MORN2: variants seen among roughly 807,000 people sequenced by gnomAD.
The protein encoded by MORN2 is MORN repeat-containing protein 2.
In MORN2, 15 loss-of-function variants were observed where a neutral mutation model predicts 13.4. The ratio of observed to expected loss-of-function variants is 1.12; its 90% confidence interval spans 0.75 to 1.72. The LOEUF is 1.72. Ranked by LOEUF, MORN2 falls within the 40% of genes most tolerant of loss-of-function variation. MORN2 has a pLI of 0.00. For synonymous variants in MORN2, 46 were observed against 43.6 expected, an observed-to-expected ratio of 1.06 and a Z score of -0.22; for missense variants, 168 against 134.6, an observed-to-expected ratio of 1.25 and a Z score of -1.23.
chr2:38,880,198 C>G lies in MORN2; in HGVS notation c.78C>G (p.Ile26Met), dbSNP rs1665744060. The G allele has an allele frequency of 2.5e-6, 1 of 398,858 alleles. No individual in the cohort carries two copies. The highest frequency in any genetic ancestry group is 4.4e-5 in the Admixed American group (1 of 22,716). The allele number at this position is 398,858 out of a possible 1,614,324, so 24.7% of individuals were successfully genotyped here. ...AAACAGCTTCAGAAGTGTATAAGATCAGCTTTATCTTTCCAAATGGAGACA... is the reference window on the plus strand; with the variant it reads ...AAACAGCTTCAGAAGTGTATAAGATGAGCTTTATCTTTCCAAATGGAGACA... Residue 26 changes from isoleucine (I) to methionine (M), a missense_variant, in exon 2 of 5, where the codon ATC (isoleucine) becomes ATG (methionine). Physicochemically the swap from Ile to Met is conservative, Grantham distance 10. Coordinates refer to ENST00000644631, the MANE Select transcript of MORN2 (RefSeq NM_001145450.3).
intron 1 of MORN2, among the ~76,000 whole-genome samples, chr2:38,878,015 C>T (rs1247760598): frequency 6.6e-6 from 1 of 152,154 alleles, no homozygotes; most frequent in Non-Finnish European, 1.5e-5. Flanking sequence ...AGGCTGGTCT[C>T]GAACTCCTAG....
At chr2:38,877,105 A>C (rs563014676) in intron 1 of MORN2, among the ~76,000 whole-genome samples, 1 of 152,156 alleles carries the variant, frequency 6.6e-6, no homozygotes, top group Non-Finnish European at 1.5e-5. Flanking sequence ...CTAGTTAGTT[A>C]TCATTAGTTA....
chr2:38,880,465 G>A (rs892182611), intron 2 of MORN2, 135 bp from the exon 3 acceptor site: 4 of 443,804 alleles, frequency 9.0e-6, no homozygotes, highest in African/African-American at 4.1e-5. Context: ...GATGTTCTGT[G>A]TCCATGGATT....
At chr2:38,880,452 C>T (rs1385241037) in intron 2 of MORN2, 148 bp from the exon 3 acceptor site, 3 of 426,234 alleles carry the variant, frequency 7.0e-6, no homozygotes, top group Non-Finnish European at 1.2e-5. Context: ...TCAATTGTTA[C>T]AAGATGTTCT....
intron 3 of MORN2, among the ~76,000 whole-genome samples, chr2:38,880,965 T>G (rs1665760459): frequency 6.6e-6 from 1 of 152,220 alleles, no homozygotes; most frequent in South Asian, 2.1e-4. Context: ...TTAATCCTCA[T>G]AATAACCTCA....
At chr2:38,876,174 A>T in intron 1 of MORN2, 64 bp downstream of exon 1, 1 of 398,624 alleles carries the variant, frequency 2.5e-6, no homozygotes, top group Non-Finnish European at 4.4e-6. Flanking sequence ...ACTAGCGTGG[A>T]GTCAGAACCT....
rs1320725569 is a variant in MORN2 at position 38,876,018 on chromosome 2, C to T, written c.-35C>T. 7.5e-6 allele frequency: 3 copies of T among 398,764 alleles called. No individual in the cohort carries two copies. The highest frequency in any genetic ancestry group is 1.3e-5 in the Non-Finnish European group (3 of 226,302). 24.7% of individuals were successfully genotyped at this position (398,764 alleles called of 1,614,324 possible). ...CCCAGCAACCAAGTCGCACCTGGAG[C>T]TGTCCTAGCGCCTAGTTCTCTCCCG... On this transcript the variant is annotated 5_prime_UTR_variant, in exon 1 of 5. Coordinates refer to ENST00000644631, the MANE Select transcript of MORN2 (RefSeq NM_001145450.3).
chr2:38,881,467 A>G lies in MORN2; in HGVS notation c.242A>G (p.His81Arg). The change falls in exon 4 of 5, where the codon CAT (histidine) becomes CGT (arginine). Residue 81 changes from histidine to arginine, a missense_variant. Transcript: ENST00000644631. ...ATGAATGGTTTTGGAAGACTTGAGC[A>G]TTTTTCAGGAGCAGTATATGAAGGA... The G allele has an allele frequency of 6.5e-7, 1 of 1,538,290 alleles. No individual in the cohort carries two copies.
At chr2:38,882,359 G>T (rs1665794852) in intron 4 of MORN2, 54 bp from the exon 5 acceptor site, 14 of 1,119,822 alleles carry the variant, frequency 1.3e-5, no homozygotes, top group Non-Finnish European at 1.7e-5. Context: ...TCTTATATCT[G>T]GACTGTAAAT....
chr2:38,881,571 G>C lies in MORN2; in HGVS notation c.346G>C (p.Glu116Gln). 1 of 1,511,496 alleles carries C rather than the reference G, an allele frequency of 6.6e-7. No homozygotes were observed. The highest frequency in any genetic ancestry group is 8.8e-7 in the Non-Finnish European group (1 of 1,134,310). The allele number at this position is 1,511,496 out of a possible 1,614,324, so 93.6% of individuals were successfully genotyped here. A position where few individuals can be genotyped will look rare whatever the true frequency, so the allele number is the denominator to read the frequency against. ...GGCAAAGTATACTGGAAATTTCAAT[G>C]AAAATAGGTAAGCTTAAAATAAAAA... Residue 116 changes from glutamate to glutamine, a missense_variant, in exon 4 of 5, where the codon GAA becomes CAA. Glu to Gln is a conservative substitution (Grantham distance 29). Transcript: ENST00000644631.
intron 1 of MORN2, among the ~76,000 whole-genome samples, chr2:38,877,220 C>A (rs1306234710): frequency 2.6e-5 from 4 of 152,040 alleles, no homozygotes; most frequent in African/African-American, 7.2e-5. Context: ...GAGACGAGAT[C>A]AAGCCACTGC....
chr2:38,879,173 A>G (rs1156992814), intron 1 of MORN2, among the ~76,000 whole-genome samples: 2 of 151,814 alleles, frequency 1.3e-5, no homozygotes, highest in Non-Finnish European at 2.9e-5. Context: ...ATTTCTTCCT[A>G]TTGCCAATTT....
chr2:38,880,070 G>A (rs551801944), intron 1 of MORN2, 109 bp from the exon 2 acceptor site: 2 of 381,986 alleles, frequency 5.2e-6, no homozygotes, highest in Non-Finnish European at 9.3e-6. Flanking sequence ...GAGGCGGGAG[G>A]ATCGCTTGAG....
At chr2:38,876,173 G>C (rs976309170) in intron 1 of MORN2, 63 bp downstream of exon 1, 2 of 398,562 alleles carry the variant, frequency 5.0e-6, no homozygotes, top group Non-Finnish European at 8.8e-6. Flanking sequence ...AACTAGCGTG[G>C]AGTCAGAACC....
chr2:38,876,069 A>T lies in MORN2; in HGVS notation c.17A>T (p.Glu6Val). ...GCCGCAGAGCTGGCCGCCCAGGGGG[A>T]GTCGCAGAGTTTGGAAGATCTCTCT... The change falls in exon 1 of 5, where the codon GAG becomes GTG. Residue 6 changes from glutamate to valine, a missense_variant. Glu to Val is a moderately radical substitution (Grantham distance 121, BLOSUM62 -2). Coordinates refer to ENST00000644631, the MANE Select transcript of MORN2 (RefSeq NM_001145450.3). 2.5e-6 allele frequency: 1 copy of T among 398,684 alleles called. No homozygotes were observed. Among genetic ancestry groups the T allele is most frequent in the South Asian group, 1.3e-4 (1 of 7,856 alleles). 24.7% of individuals were successfully genotyped at this position (398,684 alleles called of 1,614,324 possible). A position where few individuals can be genotyped will look rare whatever the true frequency, so the allele number is the denominator to read the frequency against.
intron 1 of MORN2, among the ~76,000 whole-genome samples, chr2:38,879,115 T>A (rs1266407921): frequency 6.6e-6 from 1 of 152,198 alleles, no homozygotes; most frequent in Non-Finnish European, 1.5e-5. Flanking sequence ...TCCAGTCTCA[T>A]TCTGTGTGGA....
chr2:38,880,486 TG>T, intron 2 of MORN2, 113 bp from the exon 3 acceptor site: 1 of 496,980 alleles, frequency 2.0e-6, no homozygotes, highest in Non-Finnish European at 3.4e-6. Flanking sequence ...TTCTCATCTC[TG>T]GTCTCACTGG....
Position 38,882,441 on chromosome 2 carries a change from AT to A in MORN2, c.383del (p.Ile128ThrfsTer4), listed in dbSNP as rs1293714563. ...GGAAGGTGAAGGGGAATATACTGAT[AT>A]CCAAGGACTAGAATGGAGTGGTAAC... is the stretch of plus-strand genomic sequence containing the variant. On this transcript the variant is annotated frameshift_variant, in exon 5 of 5. Transcript: ENST00000644631. LOFTEE classifies it high-confidence loss of function. 6 of 1,550,648 alleles carry A rather than the reference AT, an allele frequency of 3.9e-6. No homozygotes were observed. Among genetic ancestry groups the A allele is most frequent in the Non-Finnish European group, 4.4e-6 (5 of 1,146,382 alleles).
At chr2:38,876,145 A>G in intron 1 of MORN2, 35 bp downstream of exon 1, 1 of 398,708 alleles carries the variant, frequency 2.5e-6, no homozygotes, top group East Asian at 3.6e-5. Context: ...CCGGGCAGAG[A>G]AGAGCTCCTT....
Sources: gnomAD v4.1 joint callset for allele counts (sites outside exome capture counted in the v4.1 genomes callset) on GRCh38, gnomAD v4.1.1 for gene constraint, MANE v1.5 for transcripts, NCBI Gene and HGNC (gene_info 2026-07-23, HGNC 2026-07-21) for gene names.